The following DLG5 variants were observed in gnomAD, a reference collection of about 807,000 sequenced individuals.
The protein encoded by DLG5 is discs large MAGUK scaffold protein 5.
A neutral mutation model predicts 189.8 loss-of-function variants in DLG5; 48 were observed. The ratio of observed to expected loss-of-function variants is 0.25; its 90% CI spans 0.20 to 0.32. DLG5 has a LOEUF of 0.32. Ranked by LOEUF, DLG5 falls within the 10% of genes least tolerant of loss-of-function variation. DLG5 has a pLI of 1.00. For synonymous variants in DLG5, 1,016 were observed against 1,054.1 expected (o/e 0.96, Z 0.70); for missense variants, 2,160 against 2,544.7 (o/e 0.85, Z 3.25).
rs756658897 is a variant in DLG5, at chr10:77,821,152, C to T, written c.3332G>A (p.Arg1111His). Reference sequence around the variant, plus strand: ...AAAACTGGGAGCAGATTTTGGCCGGCGACGCTTCTGCCCCAGCTCATCCAC... The same window carrying T: ...AAAACTGGGAGCAGATTTTGGCCGGTGACGCTTCTGCCCCAGCTCATCCAC... ...QKVDELGQKR[R>H]RPKSAPSFRP... Residue 1111 changes from arginine (R) to histidine (H), a missense_variant, in exon 15 of 32, where the codon CGC (arginine) becomes CAC (histidine). By Grantham distance (29) the Arg-to-His change is conservative. This residue lies in a region of DLG5 where 754 missense variants were observed against 746.5 expected (regional missense o/e 1.01). Coordinates refer to ENST00000372391, the MANE Select transcript of DLG5 (RefSeq NM_004747.4). 1.1e-5 allele frequency: 18 copies of T among 1,614,002 alleles called. No individual in the cohort carries two copies. Among genetic ancestry groups the T allele is most frequent in the South Asian group, 4.4e-5 (4 of 91,086 alleles).
chr10:77,811,848 C>T, intron 22 of DLG5, 76 bp downstream of exon 22: 1 of 1,493,408 alleles, frequency 6.7e-7, no homozygotes, highest in Non-Finnish European at 8.9e-7. Flanking sequence ...CCCTGGGTCT[C>T]CCTAAAATGA....
At chr10:77,823,639 TC>T (rs1842477415) in intron 14 of DLG5, among the ~76,000 whole-genome samples, 1 of 151,850 alleles carries the variant, frequency 6.6e-6, no homozygotes, top group African/African-American at 2.4e-5. Context: ...CAAGCGATTC[TC>T]CTGCCTCAGT....
At chr10:77,913,477 C>T (rs943679077) in intron 1 of DLG5, among the ~76,000 whole-genome samples, 1 of 152,196 alleles carries the variant, frequency 6.6e-6, no homozygotes, top group African/African-American at 2.4e-5. Flanking sequence ...CTCTTAGAGA[C>T]ACATCTTTAA....
At chr10:77,804,701 C>T (rs1477659590) in intron 27 of DLG5, among the ~76,000 whole-genome samples, 1 of 152,218 alleles carries the variant, frequency 6.6e-6, no homozygotes, top group Non-Finnish European at 1.5e-5. Context: ...TCCTATCACT[C>T]AACTCCAGCC....
intron 1 of DLG5, among the ~76,000 whole-genome samples, chr10:77,886,439 T>C (rs1354315959): frequency 1.3e-5 from 2 of 150,810 alleles, no homozygotes; most frequent in African/African-American, 4.9e-5. Context: ...AGATCTCAGC[T>C]CACTGCAACC....
chr10:77,918,349 G>A (rs749401747), intron 1 of DLG5, among the ~76,000 whole-genome samples: 19 of 151,724 alleles, frequency 1.3e-4, no homozygotes, highest in Non-Finnish European at 1.0e-4. Flanking sequence ...GGAGGCGAAG[G>A]TTGCATGAGC....
At chr10:77,849,111 C>G (rs1047213257) in intron 5 of DLG5, among the ~76,000 whole-genome samples, 2 of 152,082 alleles carry the variant, frequency 1.3e-5, no homozygotes, top group African/African-American at 4.8e-5. Flanking sequence ...GACAAAACAC[C>G]TGTGTGCTGC....
chr10:77,806,737 C>CCCCCCCCCCCCCCAAA, intron 26 of DLG5, 21 bp downstream of exon 26: 2 of 1,592,014 alleles, frequency 1.3e-6, no homozygotes, highest in Non-Finnish European at 1.7e-6. Context: ...CCACCCCACC[C>CCCCCCCCCCCCCCAAA]CAGGCCCGGA....
At position 77,821,821 on chromosome 10, in the gene DLG5, G is replaced by C. The variant is rs747765374; in HGVS notation, c.2663C>G (p.Ser888Cys). Residue 888 changes from serine (S) to cysteine (C), a missense_variant, in exon 15 of 32, where the codon TCT becomes TGT. This residue lies in a region of DLG5 where 754 missense variants were observed against 746.5 expected (regional missense o/e 1.01). Coordinates refer to ENST00000372391, the MANE Select transcript of DLG5 (RefSeq NM_004747.4). ...GCGGAAGGAGCTCAGGCTACGCTCAGAGGCACTGGGACAGGCCTGGGGGCA... is the reference window on the plus strand; with the variant it reads ...GCGGAAGGAGCTCAGGCTACGCTCACAGGCACTGGGACAGGCCTGGGGGCA... ...QVCPQACPSA[S>C]ERSLSSFRSD... is the part of the protein sequence containing the mutation. 1 of 1,613,504 alleles carries C rather than the reference G, an allele frequency of 6.2e-7. No homozygotes were observed. The highest frequency in any genetic ancestry group is 8.5e-7 in the Non-Finnish European group (1 of 1,179,742).
At position 77,916,904 on chromosome 10, in the gene DLG5, A is replaced by AATATATAT. The variant is rs55841913; in HGVS notation, c.304+9305_304+9312dup. ...AGGTAAAGAAACAAATAAAATATAG[A>AATATATAT]ATATATATATATATATATATATGAA... On this transcript the variant is annotated intron_variant, in intron 1 of 31. Coordinates refer to ENST00000372391, the MANE Select transcript of DLG5 (RefSeq NM_004747.4). Among the ~76,000 whole-genome samples the AATATATAT allele has an allele frequency of 3.2e-3, 411 of 129,100 alleles. 12 individuals are homozygous for AATATATAT. The highest frequency in any genetic ancestry group is 0.01 in the African/African-American group (331 of 32,264). 84.7% of individuals were successfully genotyped at this position (129,100 alleles called of 152,430 possible).
In DLG5 at chr10:77,819,990, T is replaced by A; in HGVS notation, c.3431A>T (p.Glu1144Val). 1 of 1,613,336 alleles carries A rather than the reference T, an allele frequency of 6.2e-7. No individual in the cohort carries two copies. Among genetic ancestry groups the A allele is most frequent in the Non-Finnish European group, 8.5e-7 (1 of 1,179,840 alleles). ...EEQKCVPASG[E>V]LSPELQEWAP... ...CCACTCCTGGAGCTCCGGGGAGAGT[T>A]CTCCACTGGCCGGGACACACTTCTG... Residue 1144 changes from glutamate to valine, a missense_variant, in exon 16 of 32, where the codon GAA becomes GTA. Physicochemically the swap from Glu to Val is moderately radical, Grantham distance 121. Around this residue, in one of 5 missense-constraint regions of DLG5, gnomAD observed 754 missense variants for 746.5 expected, o/e 1.01. Coordinates refer to ENST00000372391, the MANE Select transcript of DLG5 (RefSeq NM_004747.4).
At chr10:77,793,975 C>T (rs1490130651) in intron 31 of DLG5, 33 bp downstream of exon 31, 2 of 1,588,632 alleles carry the variant, frequency 1.3e-6, no homozygotes, top group Non-Finnish European at 1.7e-6. Flanking sequence ...TTCCCTGCTG[C>T]CTGCTCCCCA....
Position 77,792,525 on chromosome 10 carries a change from G to A in DLG5, c.5675C>T (p.Ala1892Val), listed in dbSNP as rs763791040. The A allele has an allele frequency of 6.2e-7, 1 of 1,614,022 alleles. No individual in the cohort carries two copies. Among genetic ancestry groups the A allele is most frequent in the Non-Finnish European group, 8.5e-7 (1 of 1,180,040 alleles). ...GATCTGAGTGCAAATGCTTGACAGG[G>A]CTCCTCCCTGGATGACCCCTGCAAA... ...RYFTGVIQGG[A>V]LSSICTQILA... Residue 1892 changes from alanine to valine, a missense_variant, in exon 32 of 32, where the codon GCC (alanine) becomes GTC (valine). Transcript: ENST00000372391.
At chr10:77,814,462 TATA>T (rs1413537319) in intron 20 of DLG5, among the ~76,000 whole-genome samples, 9 of 18,442 alleles carry the variant, frequency 4.9e-4, no homozygotes, top group African/African-American at 8.1e-4. Context: ...AAAGCATGTT[TATA>T]TATATATATA....
rs982348611 is a variant in DLG5, at chr10:77,796,026, T to C, written c.5436+35A>G. 2.5e-6 allele frequency: 4 copies of C among 1,613,896 alleles called. No homozygotes were observed. Among genetic ancestry groups the C allele is most frequent in the Admixed American group, 3.3e-5 (2 of 60,012 alleles). On this transcript the variant is annotated intron_variant, in intron 29 of 31. Coordinates refer to ENST00000372391, the MANE Select transcript of DLG5 (RefSeq NM_004747.4). The surrounding 1 kb of genome is among the most constrained non-coding windows in gnomAD (Gnocchi z 5.2). ...GACCTGTGCACAGGAGGTCTAATAC[T>C]GGATGCCTAATCCTCAGACTGAAGC...
intron 1 of DLG5, among the ~76,000 whole-genome samples, chr10:77,880,599 A>C (rs903874152): frequency 6.6e-6 from 1 of 152,132 alleles, no homozygotes; most frequent in Non-Finnish European, 1.5e-5. Context: ...ATCAAGCTGA[A>C]TCTGCACTCC....
At chr10:77,825,099 C>T (rs1842553475) in intron 13 of DLG5, among the ~76,000 whole-genome samples, 1 of 152,188 alleles carries the variant, frequency 6.6e-6, no homozygotes, top group African/African-American at 2.4e-5. Flanking sequence ...CCAGCACACG[C>T]AGCCTCTTGG....
rs1182829683 is a variant in DLG5 at position 77,822,043 on chromosome 10, G to C, written c.2441C>G (p.Ser814Cys). 1 of 1,613,966 alleles carries C rather than the reference G, an allele frequency of 6.2e-7. No homozygotes were observed. Among genetic ancestry groups the C allele is most frequent in the Non-Finnish European group, 8.5e-7 (1 of 1,179,962 alleles). ...GQNIFENIKD[S>C]DKMLSFRAHG... ...GGCTCGAAAACTCAGCATCTTATCA[G>C]AGTCTTTGATATTTTCAAAAATGTT... The change falls in exon 15 of 32, where the codon TCT (serine) becomes TGT (cysteine). Residue 814 changes from serine to cysteine, a missense_variant. This residue lies in a region of DLG5 where 754 missense variants were observed against 746.5 expected (regional missense o/e 1.01). Transcript: ENST00000372391.
At position 77,822,037 on chromosome 10, in the gene DLG5, T is replaced by A; in HGVS notation, c.2447A>T (p.Lys816Met). The change falls in exon 15 of 32, where the codon AAG becomes ATG. Residue 816 changes from lysine (K) to methionine (M), a missense_variant. Lys to Met is a moderately conservative substitution (Grantham distance 95). This residue lies in a region of DLG5 where 754 missense variants were observed against 746.5 expected (regional missense o/e 1.01). Coordinates refer to ENST00000372391, the MANE Select transcript of DLG5 (RefSeq NM_004747.4). ...NIFENIKDSD[K>M]MLSFRAHGPE... The stretch of plus-strand genomic sequence containing the variant: ...GCCATGGGCTCGAAAACTCAGCATC[T>A]TATCAGAGTCTTTGATATTTTCAAA... 1 of 1,614,094 alleles carries A rather than the reference T, an allele frequency of 6.2e-7. No individual in the cohort carries two copies. The highest frequency in any genetic ancestry group is 8.5e-7 in the Non-Finnish European group (1 of 1,179,958).
Sources: allele counts gnomAD v4.1 joint callset (sites outside exome capture counted in the v4.1 genomes callset), GRCh38; gene constraint gnomAD v4.1.1; regional missense constraint gnomAD v4.1.1; non-coding constraint Gnocchi (gnomAD v3.1); transcripts MANE v1.5; gene names NCBI Gene and HGNC (gene_info 2026-07-23, HGNC 2026-07-21).